EYS: variants seen among roughly 807,000 people sequenced by gnomAD.
EYS encodes the protein EGF-like photoreceptor maintenance factor.
Under a neutral mutation model 282.1 loss-of-function variants are expected in EYS, and 250 were observed. That is an observed-to-expected ratio of 0.89 (90% CI 0.80 to 0.98). The LOEUF is 0.98. Ranked by LOEUF, EYS falls within the 50% of genes least tolerant of loss-of-function variation. The pLI is 0.00. For synonymous variants in EYS, 1,355 were observed against 1,282.9 expected (o/e 1.06, Z -1.20); for missense variants, 4,016 against 3,709.0 (o/e 1.08, Z -2.15).
At chr6:64,145,188 A>G (rs911352934) in intron 31 of EYS, among the ~76,000 whole-genome samples, 2 of 152,118 alleles carry the variant, frequency 1.3e-5, no homozygotes, top group African/African-American at 4.8e-5. Flanking sequence ...TCTTTTTACC[A>G]TATTTCTCTA....
intron 5 of EYS, among the ~76,000 whole-genome samples, chr6:65,471,614 T>A (rs1157508216): frequency 6.6e-6 from 1 of 152,116 alleles, no homozygotes; most frequent in Non-Finnish European, 1.5e-5. Flanking sequence ...ATTCAGAATA[T>A]GATCTCATTA....
chr6:63,959,101 T>C (rs1487727836), intron 35 of EYS, among the ~76,000 whole-genome samples: 1 of 152,104 alleles, frequency 6.6e-6, no homozygotes, highest in Non-Finnish European at 1.5e-5. Context: ...TGGGAGAAAA[T>C]TTCTGCAATC....
chr6:65,180,407 C>T (rs1289900014), intron 12 of EYS, among the ~76,000 whole-genome samples: 1 of 151,928 alleles, frequency 6.6e-6, no homozygotes, highest in African/African-American at 2.4e-5. Flanking sequence ...TCTTATACAC[C>T]AATAACAGAC....
rs535042637 is a variant in EYS, at chr6:64,436,996, T to C, written c.5836-731A>G. Among the ~76,000 whole-genome samples the C allele has an allele frequency of 2.0e-5, 3 of 151,916 alleles. No individual in the cohort carries two copies. The East Asian group carries it at 5.8e-4, about 29-fold the overall frequency. On this transcript the variant is annotated intron_variant, in intron 27 of 42. Coordinates refer to ENST00000503581, the MANE Select transcript of EYS (RefSeq NM_001142800.2). ...CATGTGTTAAGAAACTCACTTGCAT[T>C]GTGTTTCATAACTTGTGCCCCTAGC... is the stretch of plus-strand genomic sequence containing the variant.
At chr6:65,503,402 G>A (rs961406412) in intron 2 of EYS, among the ~76,000 whole-genome samples, 3 of 151,534 alleles carry the variant, frequency 2.0e-5, no homozygotes, top group African/African-American at 7.3e-5. Flanking sequence ...ATTTCTCCAA[G>A]TAGTTATTTT....
intron 21 of EYS, among the ~76,000 whole-genome samples, chr6:64,819,830 C>T (rs541691956): frequency 9.2e-5 from 14 of 151,664 alleles, no homozygotes; most frequent in Non-Finnish European, 2.1e-4. Flanking sequence ...TAGATTTTAT[C>T]TATAATTTAA....
At chr6:63,842,733 G>T (rs1381878237) in intron 36 of EYS, among the ~76,000 whole-genome samples, 1 of 152,126 alleles carries the variant, frequency 6.6e-6, no homozygotes, top group Non-Finnish European at 1.5e-5. Flanking sequence ...AGTTTTTATG[G>T]TTTTAGTTCT....
intron 12 of EYS, among the ~76,000 whole-genome samples, chr6:65,138,888 A>C (rs1776098094): frequency 6.6e-6 from 1 of 152,108 alleles, no homozygotes; most frequent in Non-Finnish European, 1.5e-5. Flanking sequence ...ACAATGAGAT[A>C]CCATTTCACA....
rs893198495 is a variant in EYS, at chr6:65,121,352, G to C, written c.2024-63625C>G. ...GGAAGAGAACAAATGGGGAACATTTGAGTCTCTATTTTCATTAAGATGGAA... is the reference window on the plus strand; with the variant it reads ...GGAAGAGAACAAATGGGGAACATTTCAGTCTCTATTTTCATTAAGATGGAA... On this transcript the variant is annotated intron_variant, in intron 12 of 42. Transcript: ENST00000503581. Among the ~76,000 whole-genome samples the C allele has an allele frequency of 4.6e-5, 7 of 152,224 alleles. No homozygotes were observed. In the East Asian group the frequency reaches 1.4e-3, roughly 29 times the overall value.
intron 31 of EYS, among the ~76,000 whole-genome samples, chr6:64,141,820 T>G (rs1348377067): frequency 6.6e-6 from 1 of 152,128 alleles, no homozygotes; most frequent in Non-Finnish European, 1.5e-5. Flanking sequence ...ATAGTGGTGT[T>G]TTATGTGTGG....
chr6:64,626,266 C>A (rs113821961), intron 22 of EYS, 21 bp from the exon 23 acceptor site: 26 of 1,517,944 alleles, frequency 1.7e-5, no homozygotes, highest in Non-Finnish European at 2.3e-5. Flanking sequence ...AAAATGAAAA[C>A]GATATTTGTA....
chr6:65,286,334 C>A (rs180730015), intron 12 of EYS, among the ~76,000 whole-genome samples: 10 of 151,800 alleles, frequency 6.6e-5, no homozygotes, highest in Admixed American at 2.0e-4. Context: ...AGTTACCTTG[C>A]ATTTCATGGA....
intron 26 of EYS, among the ~76,000 whole-genome samples, chr6:64,461,798 A>G (rs1381018864): frequency 1.3e-5 from 2 of 152,330 alleles, no homozygotes; most frequent in Non-Finnish European, 2.9e-5. Context: ...ATGTCTATAT[A>G]AAAATTGTCA....
intron 30 of EYS, among the ~76,000 whole-genome samples, chr6:64,304,871 A>G (rs1486942642): frequency 6.6e-6 from 1 of 152,204 alleles, no homozygotes; most frequent in Non-Finnish European, 1.5e-5. Context: ...CAGTGAAAGC[A>G]GTGGTAAGGG....
intron 12 of EYS, among the ~76,000 whole-genome samples, chr6:65,066,783 A>G (rs1438649988): frequency 6.6e-6 from 1 of 152,158 alleles, no homozygotes; most frequent in Non-Finnish European, 1.5e-5. Flanking sequence ...CTGCAGTGAA[A>G]GTAATTAATT....
chr6:64,520,041 G>A (rs1777681410), intron 26 of EYS, among the ~76,000 whole-genome samples: 1 of 151,760 alleles, frequency 6.6e-6, no homozygotes. Context: ...GACCCAATAG[G>A]AAACTCTAAA....
intron 31 of EYS, among the ~76,000 whole-genome samples, chr6:64,189,060 TAC>T (rs1241054225): frequency 6.6e-6 from 1 of 152,202 alleles, no homozygotes; most frequent in Non-Finnish European, 1.5e-5. Context: ...ACTGAATGTT[TAC>T]AGTTTCCCTT....
At chr6:64,658,249 G>A (rs538039597) in intron 22 of EYS, among the ~76,000 whole-genome samples, 21 of 152,080 alleles carry the variant, frequency 1.4e-4, no homozygotes, top group East Asian at 3.9e-4. Context: ...CTAGTTATCC[G>A]TTCGTCTAAT....
At chr6:64,161,003 A>G (rs1310198279) in intron 31 of EYS, among the ~76,000 whole-genome samples, 1 of 152,220 alleles carries the variant, frequency 6.6e-6, no homozygotes, top group Admixed American at 6.5e-5. Context: ...ATCATTATAA[A>G]TGATTTTATT....
Sources: allele counts gnomAD v4.1 joint callset (sites outside exome capture counted in the v4.1 genomes callset), GRCh38; gene constraint gnomAD v4.1.1; transcripts MANE v1.5; gene names NCBI Gene and HGNC (gene_info 2026-07-23, HGNC 2026-07-21).